The following ZNF93 variants were observed in gnomAD, a reference collection of about 807,000 sequenced individuals.
The protein encoded by ZNF93 is zinc finger protein 93.
A neutral mutation model predicts 45.0 loss-of-function variants in ZNF93; 29 were observed. The observed-to-expected ratio is 0.64, with a 90% confidence interval of 0.48 to 0.88. The LOEUF is 0.88. Among genes scored for constraint, ZNF93 ranks in the 40% least tolerant of loss-of-function variants. ZNF93 has a pLI of 0.00. For missense variants in ZNF93, 578 were observed against 724.0 expected, an observed-to-expected ratio of 0.80 and a Z score of 2.31; for synonymous variants, 223 against 244.6, an observed-to-expected ratio of 0.91 and a Z score of 0.82.
chr19:19,906,312 T>C (rs2063292819), intron 1 of ZNF93, among the ~76,000 whole-genome samples: 1 of 152,222 alleles, frequency 6.6e-6, no homozygotes, highest in Admixed American at 6.5e-5. Context: ...CATATGCTTG[T>C]TAGTCACATG....
intron 3 of ZNF93, among the ~76,000 whole-genome samples, chr19:19,923,364 C>T (rs2122185023): frequency 1.3e-5 from 2 of 152,302 alleles, no homozygotes; most frequent in South Asian, 4.2e-4. Flanking sequence ...GGGTGCCTTC[C>T]AGTTAGGCTA....
intron 3 of ZNF93, among the ~76,000 whole-genome samples, chr19:19,917,602 T>A (rs1454260002): frequency 2.0e-5 from 3 of 152,212 alleles, no homozygotes; most frequent in South Asian, 4.1e-4. Flanking sequence ...AAATTTTTTT[T>A]ATTTTTTGAC....
At chr19:19,914,014 T>C (rs556402427) in intron 1 of ZNF93, among the ~76,000 whole-genome samples, 2 of 142,950 alleles carry the variant, frequency 1.4e-5, no homozygotes, top group South Asian at 4.2e-4. Flanking sequence ...AAATATTTCT[T>C]TTTTATATCC....
rs1240457873 is a variant in ZNF93 at position 19,929,038 on chromosome 19, T to C, written c.227-4144T>C. The stretch of plus-strand genomic sequence containing the variant: ...GACCTGGTGGGACACGTTTGGGTCA[T>C]TGGGGGCAAATTTCTCATGAATGGC... On this transcript the variant is annotated intron_variant, in intron 3 of 3. Transcript: ENST00000343769. Among the ~76,000 whole-genome samples the C allele has an allele frequency of 5.3e-5, 8 of 152,158 alleles. No individual in the cohort carries two copies. The South Asian group carries it at 6.2e-4, about 12-fold the overall frequency.
chr19:19,916,826 G>T (rs2063325796), intron 3 of ZNF93, among the ~76,000 whole-genome samples, 171 bp downstream of exon 3: 1 of 152,106 alleles, frequency 6.6e-6, no homozygotes, highest in South Asian at 2.1e-4. Flanking sequence ...CTCACAAAGG[G>T]ACATCTTCCG....
rs1462151071 is a variant in ZNF93 at position 19,935,159 on chromosome 19, C to A, written c.*341C>A. 1.2e-5 allele frequency: 3 copies of A among 253,940 alleles called. No individual in the cohort carries two copies. The highest frequency in any genetic ancestry group is 2.2e-5 in the Non-Finnish European group (3 of 133,786). The allele number at this position is 253,940 out of a possible 1,614,324, so 15.7% of individuals were successfully genotyped here. On this transcript the variant is annotated 3_prime_UTR_variant, in exon 4 of 4. Transcript: ENST00000343769. ...AGCCACACTCATCCACATCCTGATA[C>A]AAGGCCCACCATATGCAGACCTGAC...
At chr19:19,913,707 A>T (rs1206730988) in intron 1 of ZNF93, among the ~76,000 whole-genome samples, 1 of 152,168 alleles carries the variant, frequency 6.6e-6, no homozygotes, top group Admixed American at 6.5e-5. Flanking sequence ...TTCTGCCAGA[A>T]GATGTCATGC....
At chr19:19,922,427 C>T (rs935008739) in intron 3 of ZNF93, among the ~76,000 whole-genome samples, 1 of 152,064 alleles carries the variant, frequency 6.6e-6, no homozygotes, top group African/African-American at 2.4e-5. Flanking sequence ...TGGAGTTGCT[C>T]TTCTTGAGGA....
intron 1 of ZNF93, among the ~76,000 whole-genome samples, chr19:19,909,866 A>C (rs2063302873): frequency 6.6e-6 from 1 of 152,252 alleles, no homozygotes. Flanking sequence ...TTAAATATGC[A>C]CGTGGAATTT....
intron 3 of ZNF93, among the ~76,000 whole-genome samples, chr19:19,918,796 GTTGT>G (rs760729960): frequency 1.8e-4 from 27 of 152,254 alleles, no homozygotes; most frequent in Non-Finnish European, 2.9e-4. Context: ...TTTCGATGGG[GTTGT>G]TTGTTTTTTT....
chr19:19,907,152 T>A (rs1280202136), intron 1 of ZNF93, among the ~76,000 whole-genome samples: 3 of 152,176 alleles, frequency 2.0e-5, no homozygotes, highest in African/African-American at 7.2e-5. Flanking sequence ...CTTTATCTAG[T>A]ACTTCAGATT....
intron 3 of ZNF93, among the ~76,000 whole-genome samples, chr19:19,929,132 A>C (rs1468721917): frequency 2.0e-5 from 3 of 152,230 alleles, no homozygotes; most frequent in Non-Finnish European, 4.4e-5. Context: ...GTTCATTAAA[A>C]GAACGTGGCT....
At chr19:19,902,314 A>G (rs1259354075) in intron 1 of ZNF93, among the ~76,000 whole-genome samples, 3 of 151,940 alleles carry the variant, frequency 2.0e-5, no homozygotes. Context: ...GGTGGAGTAC[A>G]GTGGCGCAAT....
At chr19:19,904,019 G>T (rs963468988) in intron 1 of ZNF93, among the ~76,000 whole-genome samples, 1 of 147,726 alleles carries the variant, frequency 6.8e-6, no homozygotes, top group Non-Finnish European at 1.5e-5. Context: ...AGATTGCGCC[G>T]CTGCACTCCA....
chr19:19,929,310 A>C (rs2063365383), intron 3 of ZNF93, among the ~76,000 whole-genome samples: 1 of 152,168 alleles, frequency 6.6e-6, no homozygotes, highest in Non-Finnish European at 1.5e-5. Flanking sequence ...TTTCTTTATA[A>C]ATTATGCACT....
rs763124145 is a variant in ZNF93, at chr19:19,915,230, A to G, written c.4-50A>G. ...TCTCATTTCACCTTAAGTAAAATTAAAAATTCCACCCATGGCCACTTGGTG... is the reference window on the plus strand; with the variant it reads ...TCTCATTTCACCTTAAGTAAAATTAGAAATTCCACCCATGGCCACTTGGTG... On this transcript the variant is annotated intron_variant, in intron 1 of 3. Transcript: ENST00000343769. 24 of 1,611,868 alleles carry G rather than the reference A, an allele frequency of 1.5e-5. No individual in the cohort carries two copies. The Admixed American group carries it at 3.7e-4, about 25-fold the overall frequency.
intron 3 of ZNF93, among the ~76,000 whole-genome samples, chr19:19,920,669 T>G (rs923397246): frequency 1.3e-5 from 2 of 152,202 alleles, no homozygotes; most frequent in African/African-American, 4.8e-5. Flanking sequence ...TGGTTTAGTC[T>G]TGGGAGGGTG....
chr19:19,928,836 C>T (rs888837453), intron 3 of ZNF93, among the ~76,000 whole-genome samples: 2 of 152,166 alleles, frequency 1.3e-5, no homozygotes, highest in African/African-American at 2.4e-5. Flanking sequence ...TTTAATAAAA[C>T]TTGTTATGTG....
At chr19:19,901,449 G>T (rs183180982) in intron 1 of ZNF93, among the ~76,000 whole-genome samples, 24 of 152,248 alleles carry the variant, frequency 1.6e-4, no homozygotes, top group African/African-American at 4.3e-4. Flanking sequence ...AGCTTTAGTG[G>T]GTTGGGTTCA....
Sources: gnomAD v4.1 joint callset for allele counts (sites outside exome capture counted in the v4.1 genomes callset) on GRCh38, gnomAD v4.1.1 for gene constraint, MANE v1.5 for transcripts, NCBI Gene and HGNC (gene_info 2026-07-23, HGNC 2026-07-21) for gene names.